Variants in LRMDA observed in about 807,000 individuals in gnomAD.
LRMDA encodes the protein leucine-rich melanocyte differentiation-associated protein.
LRMDA carries 18 observed loss-of-function variants against 29.8 expected under a neutral mutation model. That is an observed-to-expected ratio of 0.60 (90% CI 0.42 to 0.90). LRMDA has a LOEUF of 0.90. Among genes scored for constraint, LRMDA ranks in the 40% least tolerant of loss-of-function variants. LRMDA has a pLI of 0.00. For missense variants in LRMDA, 273 were observed against 273.9 expected (o/e 1.00, Z 0.02); for synonymous variants, 125 against 109.4 (o/e 1.14, Z -0.89).
chr10:76,066,121 A>G (rs1156891036), intron 5 of LRMDA, among the ~76,000 whole-genome samples: 1 of 152,204 alleles, frequency 6.6e-6, no homozygotes, highest in African/African-American at 2.4e-5. Context: ...ATCTCTGGCC[A>G]TTGAACCAGG....
At chr10:76,425,119 T>A (rs972638671) in intron 6 of LRMDA, among the ~76,000 whole-genome samples, 2 of 152,178 alleles carry the variant, frequency 1.3e-5, no homozygotes, top group Non-Finnish European at 2.9e-5. Flanking sequence ...AATCCAAAAT[T>A]TTGGTGTCTA....
chr10:75,532,478 T>G (rs564699206), intron 2 of LRMDA, among the ~76,000 whole-genome samples: 1 of 152,282 alleles, frequency 6.6e-6, no homozygotes, highest in African/African-American at 2.4e-5. Flanking sequence ...TTTTCTGCTG[T>G]TGGGAGAGAC....
At chr10:76,355,390 T>C (rs1841227054) in intron 6 of LRMDA, among the ~76,000 whole-genome samples, 1 of 152,144 alleles carries the variant, frequency 6.6e-6, no homozygotes, top group African/African-American at 2.4e-5. Flanking sequence ...TACCAAGAAA[T>C]TATGGAGCCC....
chr10:76,379,275 T>C (rs1841560667), intron 6 of LRMDA, among the ~76,000 whole-genome samples: 1 of 151,792 alleles, frequency 6.6e-6, no homozygotes, highest in Admixed American at 6.6e-5. Flanking sequence ...TCCTCCTCAA[T>C]TTTTTGGAAT....
intron 2 of LRMDA, among the ~76,000 whole-genome samples, chr10:75,679,101 T>C (rs979909051): frequency 1.3e-5 from 2 of 152,216 alleles, no homozygotes; most frequent in African/African-American, 2.4e-5. Context: ...TGAAGCAATC[T>C]GTTCTGTTTT....
At chr10:75,466,453 C>T (rs985902366) in intron 2 of LRMDA, among the ~76,000 whole-genome samples, 1 of 152,128 alleles carries the variant, frequency 6.6e-6, no homozygotes, top group Non-Finnish European at 1.5e-5. Flanking sequence ...TTCAGTTGCC[C>T]CCTGCTTTCT....
intron 5 of LRMDA, among the ~76,000 whole-genome samples, chr10:76,309,593 C>T (rs534219291): frequency 6.6e-6 from 1 of 152,274 alleles, no homozygotes; most frequent in African/African-American, 2.4e-5. Context: ...AGGCGGGTGT[C>T]TCCCTCTTAT....
chr10:75,999,938 A>G (rs1847533131), intron 2 of LRMDA, among the ~76,000 whole-genome samples: 1 of 152,196 alleles, frequency 6.6e-6, no homozygotes, highest in Admixed American at 6.5e-5. Context: ...CATGTTTGGA[A>G]GATAAATGGG....
At chr10:75,470,653 G>A (rs1210296806) in intron 2 of LRMDA, among the ~76,000 whole-genome samples, 2 of 152,190 alleles carry the variant, frequency 1.3e-5, no homozygotes, top group Admixed American at 6.5e-5. Context: ...CGTGGATGAT[G>A]CTTGTCCTTC....
intron 5 of LRMDA, among the ~76,000 whole-genome samples, chr10:76,161,324 G>T (rs1465110406): frequency 6.6e-6 from 1 of 152,160 alleles, no homozygotes; most frequent in African/African-American, 2.4e-5. Flanking sequence ...CTCACACGTT[G>T]TACTTGAACA....
At chr10:75,499,852 C>T (rs1186213311) in intron 2 of LRMDA, among the ~76,000 whole-genome samples, 1 of 152,092 alleles carries the variant, frequency 6.6e-6, no homozygotes, top group Non-Finnish European at 1.5e-5. Flanking sequence ...GTCTGGAGAC[C>T]AGATCCCCAG....
intron 6 of LRMDA, among the ~76,000 whole-genome samples, chr10:76,538,363 C>T (rs912715596): frequency 6.6e-6 from 1 of 150,500 alleles, no homozygotes; most frequent in African/African-American, 2.4e-5. Flanking sequence ...TTTTTTTAAC[C>T]TTGTTTTTAC....
chr10:76,251,417 TA>T (rs1252247769), intron 5 of LRMDA, among the ~76,000 whole-genome samples: 1 of 148,442 alleles, frequency 6.7e-6, no homozygotes, highest in Non-Finnish European at 1.5e-5. Flanking sequence ...CGCGCCCGGC[TA>T]ATTTTTTGTA....
In LRMDA at chr10:75,510,496, A is replaced by G. The variant is rs79121240; in HGVS notation, c.131+72002A>G. 2.9e-3 allele frequency among the ~76,000 whole-genome samples: 448 copies of G among 152,356 alleles called. 4 individuals carry two copies. Among genetic ancestry groups the G allele is most frequent in the African/African-American group, 0.01 (420 of 41,578 alleles). On this transcript the variant is annotated intron_variant, in intron 2 of 6. Transcript: ENST00000611255. ...GTGTTAATGGTTGCTTAAGAGCACT[A>G]GAGGGGGTGGAGTAATCCAAAATTT...
chr10:76,334,541 T>A (rs145083303), intron 6 of LRMDA, among the ~76,000 whole-genome samples: 1,665 of 152,316 alleles, frequency 0.011, 19 homozygotes, highest in Admixed American at 0.024. Flanking sequence ...CCTGCTCAGC[T>A]CGGCCTGCCG....
intron 6 of LRMDA, among the ~76,000 whole-genome samples, chr10:76,384,145 T>C (rs1417187960): frequency 6.6e-6 from 1 of 152,234 alleles, no homozygotes; most frequent in Non-Finnish European, 1.5e-5. Flanking sequence ...ATGGTTTCCC[T>C]GTTCTTTGGG....
At chr10:75,760,858 G>A (rs1843085926) in intron 2 of LRMDA, among the ~76,000 whole-genome samples, 1 of 152,202 alleles carries the variant, frequency 6.6e-6, no homozygotes. Context: ...GGAAAATCAG[G>A]TAATGAGAGA....
At chr10:75,982,259 A>G (rs1847185603) in intron 2 of LRMDA, among the ~76,000 whole-genome samples, 1 of 152,184 alleles carries the variant, frequency 6.6e-6, no homozygotes, top group Non-Finnish European at 1.5e-5. Context: ...GTGAAAGCTG[A>G]ACTGATTGGG....
intron 2 of LRMDA, among the ~76,000 whole-genome samples, chr10:75,875,492 G>A (rs1000215404): frequency 3.9e-5 from 6 of 152,036 alleles, no homozygotes; most frequent in African/African-American, 1.2e-4. Context: ...GGAGTGCAAT[G>A]GCATGATCTT....
Sources: allele counts gnomAD v4.1 joint callset (sites outside exome capture counted in the v4.1 genomes callset), GRCh38; gene constraint gnomAD v4.1.1; transcripts MANE v1.5; gene names NCBI Gene and HGNC (gene_info 2026-07-23, HGNC 2026-07-21).